The following CDH18 variants were observed in gnomAD, a reference collection of about 807,000 sequenced individuals.
The protein encoded by CDH18 is cadherin 18.
In CDH18, 31 loss-of-function variants were observed where a neutral mutation model predicts 67.9. The observed-to-expected ratio is 0.46, with a 90% CI of 0.34 to 0.62. The LOEUF is 0.62. Among genes scored for constraint, CDH18 ranks in the 20% least tolerant of loss-of-function variants. The pLI, the probability that CDH18 is intolerant of heterozygous loss-of-function variation, is 0.01. For missense variants in CDH18, 890 were observed against 975.5 expected, an observed-to-expected ratio of 0.91 and a Z score of 1.17; for synonymous variants, 362 against 347.2, an observed-to-expected ratio of 1.04 and a Z score of -0.48.
chr5:20,088,394 G>A (rs1297397939), intron 2 of CDH18, among the ~76,000 whole-genome samples: 3 of 152,086 alleles, frequency 2.0e-5, no homozygotes, highest in African/African-American at 7.2e-5. Flanking sequence ...TTAAATTCTG[G>A]CCAGTAATCT....
intron 1 of CDH18, among the ~76,000 whole-genome samples, chr5:20,411,713 G>A (rs1342485227): frequency 6.6e-6 from 1 of 151,122 alleles, no homozygotes; most frequent in African/African-American, 2.4e-5. Flanking sequence ...ACCTGATAAG[G>A]AGTTAATTTC....
In CDH18 at chr5:20,514,003, T is replaced by A. The variant is rs1037201769; in HGVS notation, c.-580+61459A>T. On this transcript the variant is annotated intron_variant, in intron 1 of 14. Transcript: ENST00000507958. ...AAAATGCACTATGATATTCCCATAGTGCTTTACTCATCAGATTGCACTTTC... is the reference window on the plus strand; with the variant it reads ...AAAATGCACTATGATATTCCCATAGAGCTTTACTCATCAGATTGCACTTTC... Among the ~76,000 whole-genome samples the A allele has an allele frequency of 3.9e-5, 6 of 152,320 alleles. No individual in the cohort carries two copies. In the South Asian group the frequency reaches 1.2e-3, roughly 32 times the overall value.
chr5:20,288,892 AT>A (rs2126726906), intron 1 of CDH18, among the ~76,000 whole-genome samples: 1 of 152,142 alleles, frequency 6.6e-6, no homozygotes, highest in East Asian at 1.9e-4. Context: ...TCAAAAAATA[AT>A]TCTTCACATT....
intron 6 of CDH18, among the ~76,000 whole-genome samples, chr5:19,607,647 A>G (rs998196222): frequency 2.4e-4 from 37 of 151,496 alleles, no homozygotes; most frequent in Non-Finnish European, 8.9e-5. Context: ...TAAGATACTT[A>G]TAAGTGTAGT....
intron 3 of CDH18, among the ~76,000 whole-genome samples, chr5:19,836,063 G>A (rs1412171401): frequency 1.3e-5 from 2 of 152,080 alleles, no homozygotes; most frequent in Non-Finnish European, 2.9e-5. Flanking sequence ...AAAACAAGTT[G>A]TCTGAATTTC....
chr5:20,154,078 C>A (rs976476933), intron 2 of CDH18, among the ~76,000 whole-genome samples: 3 of 152,114 alleles, frequency 2.0e-5, no homozygotes, highest in Non-Finnish European at 4.4e-5. Flanking sequence ...AGTAACAGGC[C>A]GTTACATTTA....
intron 3 of CDH18, among the ~76,000 whole-genome samples, chr5:19,764,224 CAAT>C (rs1242376913): frequency 2.7e-5 from 4 of 149,490 alleles, no homozygotes; most frequent in African/African-American, 9.8e-5. Flanking sequence ...ATTTATATAG[CAAT>C]AATCATTGTT....
chr5:20,507,780 G>C (rs1393270055), intron 1 of CDH18, among the ~76,000 whole-genome samples: 1 of 152,036 alleles, frequency 6.6e-6, no homozygotes, highest in Non-Finnish European at 1.5e-5. Context: ...TTCTCCCAAG[G>C]TTTAATGCTT....
chr5:19,840,400 GA>G (rs541583302), intron 2 of CDH18, among the ~76,000 whole-genome samples: 456 of 152,034 alleles, frequency 3.0e-3, no homozygotes, highest in Non-Finnish European at 4.6e-3. Context: ...ATATGGGAGA[GA>G]AAAGAATGAC....
intron 8 of CDH18, among the ~76,000 whole-genome samples, chr5:19,570,647 A>G (rs1382923556): frequency 6.6e-6 from 1 of 152,142 alleles, no homozygotes. Flanking sequence ...TTCCATGAGT[A>G]TAAATACAGG....
chr5:20,441,677 C>A (rs114598354), intron 1 of CDH18, among the ~76,000 whole-genome samples: 4,023 of 151,908 alleles, frequency 0.026, 253 homozygotes, highest in African/African-American at 0.091. Flanking sequence ...GTTATCTTAA[C>A]TTTCCTCAGT....
At chr5:19,774,443 A>AAAATAAAATAAAATAAAATC (rs1473317352) in intron 3 of CDH18, among the ~76,000 whole-genome samples, 1 of 150,688 alleles carries the variant, frequency 6.6e-6, no homozygotes, top group Non-Finnish European at 1.5e-5. Flanking sequence ...AAAATAAAAT[A>AAAATAAAATAAAATAAAATC]AAATAAATAA....
At chr5:20,376,235 A>C (rs1386691217) in intron 1 of CDH18, among the ~76,000 whole-genome samples, 1 of 151,218 alleles carries the variant, frequency 6.6e-6, no homozygotes, top group Non-Finnish European at 1.5e-5. Flanking sequence ...CTGGGACTAC[A>C]GGCGCCCGCC....
chr5:19,892,767 T>G (rs1402917175), intron 2 of CDH18, among the ~76,000 whole-genome samples: 2 of 152,128 alleles, frequency 1.3e-5, no homozygotes, highest in African/African-American at 4.8e-5. Context: ...GAGCTCATTT[T>G]CTAGGCCCAG....
At chr5:20,531,899 T>TA (rs1756423634) in intron 1 of CDH18, among the ~76,000 whole-genome samples, 1 of 151,934 alleles carries the variant, frequency 6.6e-6, no homozygotes, top group South Asian at 2.1e-4. Context: ...ATAATAAAAT[T>TA]AAAATTTAAT....
At chr5:19,954,805 C>A (rs1279756755) in intron 2 of CDH18, among the ~76,000 whole-genome samples, 1 of 151,700 alleles carries the variant, frequency 6.6e-6, no homozygotes. Context: ...TTCAAACTTA[C>A]GTCAACCCAA....
chr5:19,608,738 A>AG (rs1176662660), intron 6 of CDH18, among the ~76,000 whole-genome samples: 1 of 151,776 alleles, frequency 6.6e-6, no homozygotes, highest in African/African-American at 2.4e-5. Flanking sequence ...TTCTGGAGAA[A>AG]GTTATGTTAG....
intron 11 of CDH18, among the ~76,000 whole-genome samples, chr5:19,486,839 TG>T (rs1740485311): frequency 6.6e-6 from 1 of 152,030 alleles, no homozygotes; most frequent in Non-Finnish European, 1.5e-5. Flanking sequence ...AAGTCTCAAA[TG>T]GCATCCAAAT....
chr5:20,175,222 G>A (rs1167916037), intron 2 of CDH18, among the ~76,000 whole-genome samples: 1 of 152,008 alleles, frequency 6.6e-6, no homozygotes, highest in African/African-American at 2.4e-5. Flanking sequence ...GTAACAGAGA[G>A]AGGAAAGAGA....
Sources: gnomAD v4.1 joint callset for allele counts (sites outside exome capture counted in the v4.1 genomes callset) on GRCh38, gnomAD v4.1.1 for gene constraint, MANE v1.5 for transcripts, NCBI Gene and HGNC (gene_info 2026-07-23, HGNC 2026-07-21) for gene names.